The following MBLAC2 variants were observed in gnomAD, a reference collection of about 807,000 sequenced individuals.
MBLAC2 encodes acyl-coenzyme A thioesterase MBLAC2.
Under a neutral mutation model 23.3 loss-of-function variants are expected in MBLAC2, and 24 were observed. That is an observed-to-expected ratio of 1.03 (90% CI 0.75 to 1.45). The LOEUF (loss-of-function observed/expected upper bound fraction) is 1.45. Ranked by LOEUF, MBLAC2 falls within the 40% of genes most tolerant of loss-of-function variation. MBLAC2 has a pLI of 0.00. For synonymous variants in MBLAC2, 162 were observed against 150.9 expected (o/e 1.07, Z -0.54); for missense variants, 358 against 370.0 (o/e 0.97, Z 0.27).
intron 1 of MBLAC2, among the ~76,000 whole-genome samples, chr5:90,469,335 C>G (rs1168919262): frequency 6.6e-6 from 1 of 152,162 alleles, no homozygotes; most frequent in African/African-American, 2.4e-5. Flanking sequence ...GCTGGATTTT[C>G]CAAACTGGTC....
intron 1 of MBLAC2, among the ~76,000 whole-genome samples, chr5:90,465,097 A>G (rs1750427115): frequency 6.6e-6 from 1 of 152,214 alleles, no homozygotes; most frequent in African/African-American, 2.4e-5. Context: ...TCTTACATAC[A>G]GAAAATCCTA....
At chr5:90,468,804 T>C (rs1338892127) in intron 1 of MBLAC2, among the ~76,000 whole-genome samples, 1 of 152,086 alleles carries the variant, frequency 6.6e-6, no homozygotes, top group Admixed American at 6.5e-5. Context: ...TATATAGAAA[T>C]TAAATAACCT....
chr5:90,461,199 G>A lies in MBLAC2; in HGVS notation c.808C>T (p.Leu270=), dbSNP rs1335281055. ...FAMRSLASLA[L]RVTNSRTSP is the part of the protein sequence containing the mutation. ...GAGGTCCTAGAATTTGTTACACGTA[G>A]AGCTAAACTTGCAAGAGATCGCATG... is the stretch of plus-strand genomic sequence containing the variant. Residue 270 remains leucine, a synonymous_variant, in exon 2 of 2, where the codon CTA becomes TTA. Transcript: ENST00000316610. 4 of 1,611,540 alleles carry A rather than the reference G, an allele frequency of 2.5e-6. No individual in the cohort carries two copies. The highest frequency in any genetic ancestry group is 1.3e-5 in the African/African-American group (1 of 74,744).
rs1301734369 is a variant in MBLAC2, at chr5:90,474,035, G to C, written c.258C>G (p.Phe86Leu). The C allele has an allele frequency of 1.3e-6, 2 of 1,592,176 alleles. No homozygotes were observed. Among genetic ancestry groups the C allele is most frequent in the Non-Finnish European group, 1.7e-6 (2 of 1,170,594 alleles). Residue 86 changes from phenylalanine to leucine, a missense_variant, in exon 1 of 2, where the codon TTC (phenylalanine) becomes TTG (leucine). Transcript: ENST00000316610. ...ACTGGTAGAGGCCGCCGGAGTGGTCGAAGTGCACGTGGGTGGCCACGGCAA... is the reference window on the plus strand; with the variant it reads ...ACTGGTAGAGGCCGCCGGAGTGGTCCAAGTGCACGTGGGTGGCCACGGCAA... Reference protein sequence around the residue: ...PLLAVATHVHFDHSGGLYQFD... With the variant: ...PLLAVATHVHLDHSGGLYQFD...
intron 1 of MBLAC2, among the ~76,000 whole-genome samples, chr5:90,471,190 G>T (rs1750542605): frequency 6.6e-6 from 1 of 152,160 alleles, no homozygotes; most frequent in Admixed American, 6.5e-5. Flanking sequence ...CAGTGCTTCG[G>T]AAGAGAGCCA....
chr5:90,473,779 G>A lies in MBLAC2; in HGVS notation c.454+60C>T, dbSNP rs1409020823. On this transcript the variant is annotated intron_variant, in intron 1 of 1. Transcript: ENST00000316610. ...CGCAAGTCTGCAACATGCGGCACTC[G>A]GACAGTCTCTTCCCAATACCCTCCC... 11 of 1,474,940 alleles carry A rather than the reference G, an allele frequency of 7.5e-6. No homozygotes were observed. The South Asian group carries it at 8.5e-5, about 11-fold the overall frequency. 91.4% of individuals were successfully genotyped at this position (1,474,940 alleles called of 1,614,324 possible). A position where few individuals can be genotyped will look rare whatever the true frequency, so the allele number is the denominator to read the frequency against.
Position 90,458,247 on chromosome 5 carries a change from A to G in MBLAC2, c.*2920T>C, listed in dbSNP as rs1281156607. On this transcript the variant is annotated 3_prime_UTR_variant, in exon 2 of 2. Coordinates refer to ENST00000316610, the MANE Select transcript of MBLAC2 (RefSeq NM_203406.2). Reference sequence around the variant, plus strand: ...ATTTATTACACAAGTGCTTAGTTACACTTATCTGAAAATTATAATAGGACA... The same window carrying G: ...ATTTATTACACAAGTGCTTAGTTACGCTTATCTGAAAATTATAATAGGACA... The G allele has an allele frequency of 3.3e-5, 5 of 152,212 alleles. No homozygotes were observed. The highest frequency in any genetic ancestry group is 7.4e-5 in the Non-Finnish European group (5 of 68,016). The allele number at this position is 152,212 out of a possible 1,614,324, so 9.4% of individuals were successfully genotyped here. A position where few individuals can be genotyped will look rare whatever the true frequency, so the allele number is the denominator to read the frequency against.
chr5:90,474,401 G>C lies in MBLAC2; in HGVS notation c.-109C>G. 2 of 1,028,570 alleles carry C rather than the reference G, an allele frequency of 1.9e-6. No individual in the cohort carries two copies. The highest frequency in any genetic ancestry group is 2.9e-6 in the Non-Finnish European group (2 of 683,752). The allele number at this position is 1,028,570 out of a possible 1,614,324, so 63.7% of individuals were successfully genotyped here. A position where few individuals can be genotyped will look rare whatever the true frequency, so the allele number is the denominator to read the frequency against. On this transcript the variant is annotated 5_prime_UTR_variant, in exon 1 of 2. Transcript: ENST00000316610. ...TGTGAAGCGGTCTGCCTGCAGCCAGGGAGGAGGCGTAGAGCGAGGCGGGGG... is the reference window on the plus strand; with the variant it reads ...TGTGAAGCGGTCTGCCTGCAGCCAGCGAGGAGGCGTAGAGCGAGGCGGGGG...
At chr5:90,469,679 G>A (rs1156247962) in intron 1 of MBLAC2, among the ~76,000 whole-genome samples, 1 of 152,098 alleles carries the variant, frequency 6.6e-6, no homozygotes, top group Non-Finnish European at 1.5e-5. Context: ...GCCTATTTAA[G>A]AGTTGGGGGG....
chr5:90,462,595 A>G (rs1750384174), intron 1 of MBLAC2, among the ~76,000 whole-genome samples: 2 of 152,158 alleles, frequency 1.3e-5, no homozygotes, highest in African/African-American at 4.8e-5. Flanking sequence ...AGCTAATATT[A>G]ATATAAGACA....
At chr5:90,462,005 T>C (rs2151891221) in intron 1 of MBLAC2, among the ~76,000 whole-genome samples, 1 of 152,374 alleles carries the variant, frequency 6.6e-6, no homozygotes, top group South Asian at 2.1e-4. Context: ...ATGGTACCAG[T>C]ATCCTGTTGA....
In MBLAC2 at chr5:90,473,883, T is replaced by C. The variant is rs2151893510; in HGVS notation, c.410A>G (p.Gln137Arg). Residue 137 changes from glutamine (Q) to arginine (R), a missense_variant, in exon 1 of 2, where the codon CAG (glutamine) becomes CGG (arginine). Coordinates refer to ENST00000316610, the MANE Select transcript of MBLAC2 (RefSeq NM_203406.2). ...GGGCTGCACCGCCTGTACCCGGAAC[T>C]GTCTGGCCCTCCAGCCGGGGCTGGG... ...RTPSPGWRAR[Q>R]FRVQAVQPTL... The C allele has an allele frequency of 6.2e-7, 1 of 1,604,174 alleles. No individual in the cohort carries two copies. The highest frequency in any genetic ancestry group is 2.3e-5 in the East Asian group (1 of 44,438).
rs2151890880 is a variant in MBLAC2, at chr5:90,459,991, T to C, written c.*1176A>G. The C allele has an allele frequency of 6.5e-6, 1 of 152,696 alleles. No homozygotes were observed. Among genetic ancestry groups the C allele is most frequent in the Non-Finnish European group, 1.5e-5 (1 of 67,968 alleles). 9.5% of individuals were successfully genotyped at this position (152,696 alleles called of 1,614,324 possible). A position where few individuals can be genotyped will look rare whatever the true frequency, so the allele number is the denominator to read the frequency against. On this transcript the variant is annotated 3_prime_UTR_variant, in exon 2 of 2. Coordinates refer to ENST00000316610, the MANE Select transcript of MBLAC2 (RefSeq NM_203406.2). ...GGAAAAAACTGTTTAAAACCCTTTA[T>C]GAAATATTCTAAAAGGCCTTTTAGC...
chr5:90,461,689 G>T (rs917395755), intron 1 of MBLAC2, 137 bp from the exon 2 acceptor site: 7 of 888,302 alleles, frequency 7.9e-6, no homozygotes, highest in Non-Finnish European at 1.2e-5. Context: ...ATTTCTTAAT[G>T]ATGATTTAAA....
chr5:90,466,798 C>T (rs1370747701), intron 1 of MBLAC2, among the ~76,000 whole-genome samples: 2 of 152,196 alleles, frequency 1.3e-5, no homozygotes, highest in Non-Finnish European at 2.9e-5. Flanking sequence ...CCACTACACA[C>T]TCACTAGAAT....
intron 1 of MBLAC2, among the ~76,000 whole-genome samples, chr5:90,462,053 A>AT (rs1275007252): frequency 3.9e-5 from 6 of 152,272 alleles, no homozygotes; most frequent in African/African-American, 7.2e-5. Context: ...ATTTTATTGT[A>AT]TTTTGCCTCT....
chr5:90,466,116 C>T (rs925481543), intron 1 of MBLAC2, among the ~76,000 whole-genome samples: 1 of 152,130 alleles, frequency 6.6e-6, no homozygotes, highest in African/African-American at 2.4e-5. Context: ...TGGCTAAGAT[C>T]AAGTGTACAA....
Position 90,474,555 on chromosome 5 carries a change from A to T in MBLAC2, c.-263T>A. The T allele has an allele frequency of 2.0e-6, 1 of 503,168 alleles. No homozygotes were observed. The highest frequency in any genetic ancestry group is 3.7e-5 in the East Asian group (1 of 27,034). 31.2% of individuals were successfully genotyped at this position (503,168 alleles called of 1,614,324 possible). ...TGCGCCACCAGCACGGGGGCGCAGG[A>T]GCTACCGCAGCCTCGGCAGCCGCAC... is the stretch of plus-strand genomic sequence containing the variant. On this transcript the variant is annotated 5_prime_UTR_variant, in exon 1 of 2. Coordinates refer to ENST00000316610, the MANE Select transcript of MBLAC2 (RefSeq NM_203406.2).
chr5:90,460,904 A>G lies in MBLAC2; in HGVS notation c.*263T>C, dbSNP rs1245410983. ...CCACAAAATCTCTCTTTGCTTCCCC[A>G]TAAACCTTTATGTCATTTCTAGAGC... is the stretch of plus-strand genomic sequence containing the variant. On this transcript the variant is annotated 3_prime_UTR_variant, in exon 2 of 2. Transcript: ENST00000316610. 1 of 304,110 alleles carries G rather than the reference A, an allele frequency of 3.3e-6. No individual in the cohort carries two copies. Among genetic ancestry groups the G allele is most frequent in the Non-Finnish European group, 6.0e-6 (1 of 165,986 alleles). The allele number at this position is 304,110 out of a possible 1,614,324, so 18.8% of individuals were successfully genotyped here.
Sources: gnomAD v4.1 joint callset for allele counts (sites outside exome capture counted in the v4.1 genomes callset) on GRCh38, gnomAD v4.1.1 for gene constraint, MANE v1.5 for transcripts, NCBI Gene and HGNC (gene_info 2026-07-23, HGNC 2026-07-21) for gene names.